The following SGCZ variants were observed in gnomAD, a reference collection of about 807,000 sequenced individuals.
SGCZ encodes the protein sarcoglycan zeta, also known as zeta-sarcoglycan.
In SGCZ, 40 loss-of-function variants were observed where a neutral mutation model predicts 41.3. The ratio of observed to expected loss-of-function variants is 0.97; its 90% confidence interval spans 0.75 to 1.26. The LOEUF (loss-of-function observed/expected upper bound fraction) is 1.26, where lower values mean the gene tolerates loss of function less well. Ranked by LOEUF, SGCZ falls within the 50% of genes most tolerant of loss-of-function variation. The pLI is 0.00. For synonymous variants in SGCZ, 206 were observed against 137.5 expected, an observed-to-expected ratio of 1.50 and a Z score of -3.49; for missense variants, 552 against 369.8, an observed-to-expected ratio of 1.49 and a Z score of -4.04.
intron 1 of SGCZ, among the ~76,000 whole-genome samples, chr8:14,962,422 A>G (rs1022719461): frequency 6.6e-6 from 1 of 151,966 alleles, no homozygotes; most frequent in Admixed American, 6.6e-5. Flanking sequence ...TTTATGATCT[A>G]TCATACACAC....
At chr8:14,697,626 A>G (rs915700795) in intron 1 of SGCZ, among the ~76,000 whole-genome samples, 1 of 151,968 alleles carries the variant, frequency 6.6e-6, no homozygotes, top group Non-Finnish European at 1.5e-5. Flanking sequence ...ATTAAATTCC[A>G]TAAACATGCC....
chr8:14,781,320 C>A (rs1189345610), intron 1 of SGCZ, among the ~76,000 whole-genome samples: 1 of 152,172 alleles, frequency 6.6e-6, no homozygotes, highest in African/African-American at 2.4e-5. Flanking sequence ...AAACGTCAGC[C>A]TCCCAGGTTC....
chr8:15,110,293 T>G (rs1052144188), intron 1 of SGCZ, among the ~76,000 whole-genome samples: 11 of 152,200 alleles, frequency 7.2e-5, no homozygotes, highest in Non-Finnish European at 1.5e-4. Context: ...AGTGTCAGTA[T>G]TATCTGAAGA....
chr8:14,381,425 G>A (rs987377074), intron 2 of SGCZ, among the ~76,000 whole-genome samples: 3 of 151,968 alleles, frequency 2.0e-5, no homozygotes, highest in Admixed American at 1.3e-4. Context: ...ACCACTTCCT[G>A]CCCCCTCATT....
chr8:14,923,409 G>A (rs1271571560), intron 1 of SGCZ, among the ~76,000 whole-genome samples: 1 of 152,196 alleles, frequency 6.6e-6, no homozygotes, highest in Non-Finnish European at 1.5e-5. Context: ...GTAGATAACA[G>A]AAGTCGGATG....
At position 14,475,237 on chromosome 8, in the gene SGCZ, G is replaced by A. The variant is rs186285797; in HGVS notation, c.234+79495C>T. ...TAGTTTTATTTGCTTTTTTATTCCAGTATATTTCAATATCTAAATATTATC... is the reference window on the plus strand; with the variant it reads ...TAGTTTTATTTGCTTTTTTATTCCAATATATTTCAATATCTAAATATTATC... On this transcript the variant is annotated intron_variant, in intron 2 of 7. Transcript: ENST00000382080. Among the ~76,000 whole-genome samples, 1,179 of 152,054 alleles carry A rather than the reference G, an allele frequency of 7.8e-3. 13 individuals carry two copies. Among genetic ancestry groups the A allele is most frequent in the Non-Finnish European group, 8.0e-3 (544 of 67,940 alleles).
At chr8:14,631,801 C>A (rs1039709760) in intron 1 of SGCZ, among the ~76,000 whole-genome samples, 7 of 152,018 alleles carry the variant, frequency 4.6e-5, no homozygotes, top group Non-Finnish European at 1.0e-4. Context: ...CATGTCTCTA[C>A]CACCAAACAC....
At chr8:15,122,944 C>A (rs1379698802) in intron 1 of SGCZ, among the ~76,000 whole-genome samples, 1 of 152,126 alleles carries the variant, frequency 6.6e-6, no homozygotes, top group Non-Finnish European at 1.5e-5. Flanking sequence ...AAACACTGAG[C>A]TTTCAATGTG....
rs545787178 is a variant in SGCZ, at chr8:15,033,452, C to A, written c.39+204133G>T. On this transcript the variant is annotated intron_variant, in intron 1 of 7. Coordinates refer to ENST00000382080, the MANE Select transcript of SGCZ (RefSeq NM_139167.4). The stretch of plus-strand genomic sequence containing the variant: ...TCCAGAACCAGTCTGGCCCCAGGGT[C>A]CAGGCAGGCTGCAGAAGACCTAGGG... Among the ~76,000 whole-genome samples the A allele has an allele frequency of 8.5e-5, 13 of 152,184 alleles. 1 individual carries two copies. In the South Asian group the frequency reaches 1.5e-3, roughly 17 times the overall value.
chr8:14,195,409 G>C (rs1473231710), intron 4 of SGCZ, among the ~76,000 whole-genome samples: 1 of 152,076 alleles, frequency 6.6e-6, no homozygotes, highest in East Asian at 1.9e-4. Flanking sequence ...AGTGATTTTT[G>C]AAACAACTTC....
chr8:15,111,419 G>T (rs1363686443), intron 1 of SGCZ, among the ~76,000 whole-genome samples: 2 of 152,116 alleles, frequency 1.3e-5, no homozygotes, highest in African/African-American at 4.8e-5. Flanking sequence ...ATCCACTCAG[G>T]CCTCTGATTG....
At chr8:14,321,296 C>T (rs1801911050) in intron 3 of SGCZ, among the ~76,000 whole-genome samples, 1 of 151,924 alleles carries the variant, frequency 6.6e-6, no homozygotes, top group Admixed American at 6.6e-5. Flanking sequence ...TTTTGCTGGA[C>T]TACTTGGGTT....
intron 2 of SGCZ, among the ~76,000 whole-genome samples, chr8:14,549,924 G>A (rs1297338497): frequency 6.6e-6 from 1 of 151,910 alleles, no homozygotes; most frequent in South Asian, 2.1e-4. Flanking sequence ...AAGTTGGTAA[G>A]GTCAACAAAA....
At chr8:14,428,083 C>T (rs1271317992) in intron 2 of SGCZ, among the ~76,000 whole-genome samples, 1 of 150,588 alleles carries the variant, frequency 6.6e-6, no homozygotes, top group Non-Finnish European at 1.5e-5. Flanking sequence ...CCCGCAGATA[C>T]TGAAGAATGG....
At chr8:14,769,791 A>G (rs1038904816) in intron 1 of SGCZ, among the ~76,000 whole-genome samples, 1 of 143,536 alleles carries the variant, frequency 7.0e-6, no homozygotes, top group Admixed American at 7.0e-5. Context: ...GCAAAACACC[A>G]TTAAAAAAAA....
chr8:14,338,751 G>A (rs1802589655), intron 2 of SGCZ, among the ~76,000 whole-genome samples: 1 of 151,776 alleles, frequency 6.6e-6, no homozygotes, highest in Non-Finnish European at 1.5e-5. Context: ...GGCTTTTTTT[G>A]CCTTTACAAT....
At chr8:15,159,751 CA>C (rs1335592496) in intron 1 of SGCZ, among the ~76,000 whole-genome samples, 1,822 of 46,584 alleles carry the variant, frequency 0.039, 173 homozygotes, top group South Asian at 0.054. Context: ...CCCTCCCCCC[CA>C]CCCCCGCCAC....
In SGCZ at chr8:14,087,713, T is replaced by TAA. The variant is rs372801743; in HGVS notation, c.*2729_*2730insTT. ...GTGCAATTAAGGGACCACTATATTT[T>TAA]TAAAAAAAAAAAAATGCTTTTTTGT... On this transcript the variant is annotated 3_prime_UTR_variant, in exon 8 of 8. Coordinates refer to ENST00000382080, the MANE Select transcript of SGCZ (RefSeq NM_139167.4). Among the ~76,000 whole-genome samples the TAA allele has an allele frequency of 5.1e-5, 7 of 137,360 alleles. No individual in the cohort carries two copies. The highest frequency in any genetic ancestry group is 2.1e-4 in the East Asian group (1 of 4,816). 90.1% of individuals were successfully genotyped at this position (137,360 alleles called of 152,430 possible). A position where few individuals can be genotyped will look rare whatever the true frequency, so the allele number is the denominator to read the frequency against.
chr8:14,531,006 T>G (rs1563390138), intron 2 of SGCZ, among the ~76,000 whole-genome samples: 1 of 151,940 alleles, frequency 6.6e-6, no homozygotes, highest in African/African-American at 2.4e-5. Context: ...AACTTGACCT[T>G]CAAGTCAAGG....
Sources: gnomAD v4.1 joint callset for allele counts (sites outside exome capture counted in the v4.1 genomes callset) on GRCh38, gnomAD v4.1.1 for gene constraint, MANE v1.5 for transcripts, NCBI Gene and HGNC (gene_info 2026-07-23, HGNC 2026-07-21) for gene names.